SPACA7: variants seen among roughly 807,000 people sequenced by gnomAD.
SPACA7 encodes sperm acrosome-associated protein 7.
In SPACA7, 19 loss-of-function variants were observed where a neutral mutation model predicts 26.3. The observed-to-expected ratio is 0.72, with a 90% CI of 0.50 to 1.06. The LOEUF (loss-of-function observed/expected upper bound fraction) is 1.06. Ranked by LOEUF, SPACA7 falls within the 50% of genes least tolerant of loss-of-function variation. The pLI, the probability that SPACA7 is intolerant of heterozygous loss-of-function variation, is 0.00. For missense variants in SPACA7, 211 were observed against 229.9 expected (o/e 0.92, Z 0.53); for synonymous variants, 84 against 84.5 (o/e 0.99, Z 0.04).
intron 1 of SPACA7, chr13:112,382,450 A>G (rs1488312716): frequency 1.9e-6 from 3 of 1,550,254 alleles, no homozygotes; most frequent in Admixed American, 2.0e-5. Context: ...AAGGCTGTCA[A>G]TGCTCTGGCT....
At chr13:112,382,603 A>G in intron 1 of SPACA7, 1 of 1,447,016 alleles carries the variant, frequency 6.9e-7, no homozygotes, top group South Asian at 1.4e-5. Flanking sequence ...TATTACCTTT[A>G]TCTATAGTTT....
Position 112,432,437 on chromosome 13 carries a change from C to T in SPACA7, c.446-7C>T, listed in dbSNP as rs1476911461. Reference sequence around the variant, plus strand: ...AGTGATCATTGTACTTATTGTTTTCCCCACAGAAAAGAATTCAAAGAACAC... The same window carrying T: ...AGTGATCATTGTACTTATTGTTTTCTCCACAGAAAAGAATTCAAAGAACAC... On this transcript the variant is annotated splice_polypyrimidine_tract_variant and splice_region_variant and intron_variant, in intron 5 of 6. Transcript: ENST00000283550. 1 of 1,597,648 alleles carries T rather than the reference C, an allele frequency of 6.3e-7. No homozygotes were observed. Among genetic ancestry groups the T allele is most frequent in the Non-Finnish European group, 8.6e-7 (1 of 1,165,152 alleles).
At chr13:112,430,973 G>C (rs75619809) in intron 5 of SPACA7, among the ~76,000 whole-genome samples, 2,379 of 152,258 alleles carry the variant, frequency 0.016, 25 homozygotes, top group Non-Finnish European at 0.024. Flanking sequence ...GTATGAAATT[G>C]GCAGTAATCT....
chr13:112,397,191 C>T (rs1885328338), intron 2 of SPACA7, among the ~76,000 whole-genome samples: 1 of 152,220 alleles, frequency 6.6e-6, no homozygotes, highest in Non-Finnish European at 1.5e-5. Context: ...CCTTTACCCT[C>T]GAATTCTGCA....
chr13:112,404,012 A>G (rs1264848835), intron 5 of SPACA7, among the ~76,000 whole-genome samples: 1 of 152,200 alleles, frequency 6.6e-6, no homozygotes. Flanking sequence ...TGTTTTCCAT[A>G]GTGGTTGTAC....
chr13:112,423,758 T>C (rs1876242807), intron 5 of SPACA7, among the ~76,000 whole-genome samples: 1 of 152,208 alleles, frequency 6.6e-6, no homozygotes, highest in African/African-American at 2.4e-5. Flanking sequence ...GACATATCAC[T>C]TGTAGAGCTG....
At chr13:112,426,919 T>C (rs531454710) in intron 5 of SPACA7, among the ~76,000 whole-genome samples, 17 of 152,306 alleles carry the variant, frequency 1.1e-4, no homozygotes, top group African/African-American at 2.4e-4. Flanking sequence ...CAGTGCAATG[T>C]TGAATGTTGA....
At chr13:112,385,594 A>G (rs1430285597) in intron 1 of SPACA7, among the ~76,000 whole-genome samples, 1 of 152,210 alleles carries the variant, frequency 6.6e-6, no homozygotes, top group South Asian at 2.1e-4. Flanking sequence ...AAATTGAACA[A>G]TTTTTAAAAG....
Position 112,434,584 on chromosome 13 carries a change from G to T in SPACA7, c.*35G>T. On this transcript the variant is annotated 3_prime_UTR_variant, in exon 7 of 7. Transcript: ENST00000283550. ...CCCAGACCCCCTGCGCAGGAGAGGA[G>T]CCTGCTAGAACCCCCACCCACCAGC... 6.4e-7 allele frequency: 1 copy of T among 1,557,152 alleles called. No homozygotes were observed. Among genetic ancestry groups the T allele is most frequent in the Non-Finnish European group, 8.7e-7 (1 of 1,145,436 alleles).
At chr13:112,409,412 A>G (rs1208215636) in intron 5 of SPACA7, among the ~76,000 whole-genome samples, 1 of 152,220 alleles carries the variant, frequency 6.6e-6, no homozygotes, top group Admixed American at 6.5e-5. Flanking sequence ...AGAAACTACC[A>G]TCAGAATGAA....
Position 112,392,940 on chromosome 13 carries a change from A to G in SPACA7, c.95-81A>G, listed in dbSNP as rs531238499. 7.7e-5 allele frequency: 101 copies of G among 1,307,804 alleles called. 2 individuals carry two copies. In the South Asian group the frequency reaches 1.3e-3, roughly 16 times the overall value. The allele number at this position is 1,307,804 out of a possible 1,614,324, so 81.0% of individuals were successfully genotyped here. On this transcript the variant is annotated intron_variant, in intron 1 of 6. Coordinates refer to ENST00000283550, the MANE Select transcript of SPACA7 (RefSeq NM_145248.5). ...CTCTAGAGGGGGCTGGTGGGCACCC[A>G]CAAAACCATATCCATTTAAAGAGAA...
intron 5 of SPACA7, among the ~76,000 whole-genome samples, chr13:112,429,393 A>G (rs1188932321): frequency 1.3e-5 from 2 of 151,928 alleles, no homozygotes; most frequent in Non-Finnish European, 2.9e-5. Context: ...AAAAAAAGAA[A>G]GAAAGAAATG....
Position 112,401,247 on chromosome 13 carries a change from C to T in SPACA7, c.445+83C>T, listed in dbSNP as rs1885623061. 2.7e-5 allele frequency: 28 copies of T among 1,028,078 alleles called. No homozygotes were observed. The South Asian group carries it at 3.3e-4, about 12-fold the overall frequency. The allele number at this position is 1,028,078 out of a possible 1,614,324, so 63.7% of individuals were successfully genotyped here. A position where few individuals can be genotyped will look rare whatever the true frequency, so the allele number is the denominator to read the frequency against. ...TGAGGTGACTGTCTCCCTCCAGCCT[C>T]GCCAGTATGCCTTGTTATGCCATTA... On this transcript the variant is annotated intron_variant, in intron 5 of 6. Coordinates refer to ENST00000283550, the MANE Select transcript of SPACA7 (RefSeq NM_145248.5).
At chr13:112,390,922 C>T (rs979046994) in intron 1 of SPACA7, among the ~76,000 whole-genome samples, 23 of 152,202 alleles carry the variant, frequency 1.5e-4, no homozygotes, top group African/African-American at 5.3e-4. Flanking sequence ...GCGTGTCCTA[C>T]ATGGACTGGC....
intron 5 of SPACA7, among the ~76,000 whole-genome samples, chr13:112,405,849 G>T (rs921066123): frequency 1.8e-4 from 27 of 152,074 alleles, no homozygotes; most frequent in African/African-American, 6.5e-4. Flanking sequence ...TTGGTGCATA[G>T]ATTTTTATGA....
chr13:112,386,735 C>T (rs1884552543), intron 1 of SPACA7, among the ~76,000 whole-genome samples: 1 of 152,130 alleles, frequency 6.6e-6, no homozygotes, highest in African/African-American at 2.4e-5. Context: ...CCTTGTTTAT[C>T]CACTTTTAAT....
chr13:112,376,392 G>C lies in SPACA7; in HGVS notation c.7G>C (p.Val3Leu), dbSNP rs1314876494. 1 of 1,613,506 alleles carries C rather than the reference G, an allele frequency of 6.2e-7. No homozygotes were observed. Among genetic ancestry groups the C allele is most frequent in the Admixed American group, 1.7e-5 (1 of 59,982 alleles). Reference sequence around the variant, plus strand: ...TCCCTCAGCTGGAGGGAGCATGGCAGTGAGCCAAGGAGACGGGACCCTCTG... The same window carrying C: ...TCCCTCAGCTGGAGGGAGCATGGCACTGAGCCAAGGAGACGGGACCCTCTG... Reference protein sequence around the residue: MAVSQGDGTLCFV... With the variant: MALSQGDGTLCFV... The change falls in exon 1 of 7, where the codon GTG becomes CTG. Residue 3 changes from valine (V) to leucine (L), a missense_variant. Physicochemically the swap from Val to Leu is conservative, Grantham distance 32. Coordinates refer to ENST00000283550, the MANE Select transcript of SPACA7 (RefSeq NM_145248.5).
intron 5 of SPACA7, among the ~76,000 whole-genome samples, chr13:112,410,939 G>A (rs530724396): frequency 5.9e-5 from 9 of 152,102 alleles, no homozygotes; most frequent in East Asian, 1.9e-4. Flanking sequence ...AATGTTGTCC[G>A]TCCATTTCTT....
intron 2 of SPACA7, among the ~76,000 whole-genome samples, chr13:112,393,575 G>C (rs577335310): frequency 6.6e-6 from 1 of 152,334 alleles, no homozygotes; most frequent in South Asian, 2.1e-4. Flanking sequence ...GATGCAGGCC[G>C]TGCTGGTTTG....
Sources: gnomAD v4.1 joint callset for allele counts (sites outside exome capture counted in the v4.1 genomes callset) on GRCh38, gnomAD v4.1.1 for gene constraint, MANE v1.5 for transcripts, NCBI Gene and HGNC (gene_info 2026-07-23, HGNC 2026-07-21) for gene names.